The following BACE2 variants were observed in gnomAD, a reference collection of about 807,000 sequenced individuals.
The protein encoded by BACE2 is 56 kDa aspartic-like protease.
Under a neutral mutation model 46.2 loss-of-function variants are expected in BACE2, and 17 were observed. That is an observed-to-expected ratio of 0.37 (90% CI 0.25 to 0.55). The LOEUF is 0.55. Ranked by LOEUF, BACE2 falls within the 20% of genes least tolerant of loss-of-function variation. The probability of loss-of-function intolerance (pLI) is 0.82; values close to 1 mark genes in which losing one functional copy is unlikely to be tolerated. For missense variants in BACE2, 595 were observed against 698.1 expected (o/e 0.85, Z 1.66); for synonymous variants, 277 against 295.9 (o/e 0.94, Z 0.66).
intron 1 of BACE2, among the ~76,000 whole-genome samples, chr21:41,209,227 T>C (rs1012598859): frequency 2.0e-5 from 3 of 152,200 alleles, no homozygotes; most frequent in Non-Finnish European, 4.4e-5. Context: ...GCCTGCGCCT[T>C]CTGGGGGTGG....
intron 1 of BACE2, chr21:41,177,544 GTT>G (rs1984902721): frequency 6.6e-6 from 1 of 152,220 alleles, no homozygotes; most frequent in Non-Finnish European, 1.5e-5. Flanking sequence ...CACACAAGAT[GTT>G]TGCCCTCCTA....
chr21:41,213,254 C>A (rs1986353576), intron 1 of BACE2, among the ~76,000 whole-genome samples: 1 of 152,116 alleles, frequency 6.6e-6, no homozygotes, highest in African/African-American at 2.4e-5. Flanking sequence ...CGAGACAACC[C>A]TAGACACCAA....
intron 2 of BACE2, among the ~76,000 whole-genome samples, chr21:41,227,093 A>G (rs1195096316): frequency 6.6e-6 from 1 of 152,216 alleles, no homozygotes; most frequent in Admixed American, 6.5e-5. Context: ...TGGGGTCTAG[A>G]GTCACCGCCC....
At position 41,250,771 on chromosome 21, in the gene BACE2, G is replaced by A. The variant is rs1987614793; in HGVS notation, c.1004G>A (p.Gly335Asp). 3 of 1,614,062 alleles carry A rather than the reference G, an allele frequency of 1.9e-6. No homozygotes were observed. Among genetic ancestry groups the A allele is most frequent in the Non-Finnish European group, 2.5e-6 (3 of 1,180,012 alleles). The change falls in exon 7 of 9, where the codon GGT becomes GAT. Residue 335 changes from glycine (G) to aspartate (D), a missense_variant. By Grantham distance (94) the Gly-to-Asp change is moderately conservative. Coordinates refer to ENST00000330333, the MANE Select transcript of BACE2 (RefSeq NM_012105.5). ...GTCTAGATTCCAGAATTCTCTGATG[G>A]TTTCTGGACTGGGTCCCAGCTGGCG... is the stretch of plus-strand genomic sequence containing the variant. The part of the protein sequence containing the change: ...RASLIPEFSD[G>D]FWTGSQLACW...
At chr21:41,218,461 C>A (rs1050627057) in intron 1 of BACE2, among the ~76,000 whole-genome samples, 1 of 152,086 alleles carries the variant, frequency 6.6e-6, no homozygotes, top group Non-Finnish European at 1.5e-5. Context: ...CCGTGGGAGG[C>A]TGAACAAAAC....
intron 1 of BACE2, among the ~76,000 whole-genome samples, chr21:41,172,386 G>A (rs1057339215): frequency 3.3e-5 from 5 of 152,238 alleles, no homozygotes; most frequent in South Asian, 2.1e-4. Context: ...CAAAGGGCAC[G>A]TGAAGCCCTG....
At chr21:41,208,679 T>C (rs1333103705) in intron 1 of BACE2, among the ~76,000 whole-genome samples, 1 of 152,092 alleles carries the variant, frequency 6.6e-6, no homozygotes, top group Non-Finnish European at 1.5e-5. Context: ...GGTAAGGGTA[T>C]GAGGGCTCAG....
intron 1 of BACE2, among the ~76,000 whole-genome samples, 175 bp downstream of exon 1, chr21:41,168,750 G>C (rs1279891934): frequency 2.0e-5 from 3 of 152,086 alleles, no homozygotes; most frequent in African/African-American, 7.2e-5. Flanking sequence ...GCTCGCTCTT[G>C]AGTCGCGGAG....
intron 8 of BACE2, among the ~76,000 whole-genome samples, chr21:41,272,708 C>T (rs145222712): frequency 3.7e-3 from 564 of 152,216 alleles, no homozygotes; most frequent in African/African-American, 0.013. Flanking sequence ...GAGTAGAATA[C>T]AGTTATAATA....
intron 8 of BACE2, among the ~76,000 whole-genome samples, chr21:41,268,908 A>G (rs577324890): frequency 6.6e-6 from 1 of 152,316 alleles, no homozygotes; most frequent in East Asian, 1.9e-4. Context: ...CCATGTAGTC[A>G]GCGTGACTGA....
chr21:41,199,492 G>A (rs532320928), intron 1 of BACE2, among the ~76,000 whole-genome samples: 11 of 152,242 alleles, frequency 7.2e-5, no homozygotes, highest in East Asian at 1.9e-4. Flanking sequence ...GGTGCCCCGG[G>A]GAAAGTAGTA....
intron 2 of BACE2, 141 bp downstream of exon 2, chr21:41,226,495 T>C (rs1043936316): frequency 2.1e-5 from 14 of 675,628 alleles, no homozygotes; most frequent in Admixed American, 6.1e-5. Context: ...TATACACACA[T>C]GTGGACATGT....
At chr21:41,262,818 T>C (rs901761215) in intron 8 of BACE2, among the ~76,000 whole-genome samples, 1 of 152,148 alleles carries the variant, frequency 6.6e-6, no homozygotes, top group Non-Finnish European at 1.5e-5. Context: ...AATATGGGTA[T>C]GCAATTTTTA....
At chr21:41,221,237 G>A (rs1348901139) in intron 1 of BACE2, among the ~76,000 whole-genome samples, 2 of 152,118 alleles carry the variant, frequency 1.3e-5, no homozygotes, top group African/African-American at 2.4e-5. Context: ...GTGACCACAG[G>A]TTACAGCACT....
chr21:41,255,246 C>T (rs1001041284), intron 7 of BACE2, among the ~76,000 whole-genome samples: 1 of 152,210 alleles, frequency 6.6e-6, no homozygotes, highest in South Asian at 2.1e-4. Context: ...AAGCATGTGG[C>T]AATGGTGGCC....
Position 41,237,390 on chromosome 21 carries a change from G to A in BACE2, c.402-123G>A, listed in dbSNP as rs900781733. On this transcript the variant is annotated intron_variant, in intron 2 of 8. Transcript: ENST00000330333. ...GAACCCGGGAGGCGGAGGTTGCAGTGAGCCAAGATCCCGCCACTGCACTCC... is the reference window on the plus strand; with the variant it reads ...GAACCCGGGAGGCGGAGGTTGCAGTAAGCCAAGATCCCGCCACTGCACTCC... 9 of 613,178 alleles carry A rather than the reference G, an allele frequency of 1.5e-5. No homozygotes were observed. In the African/African-American group the frequency reaches 1.5e-4, roughly 11 times the overall value. 38.0% of individuals were successfully genotyped at this position (613,178 alleles called of 1,614,324 possible).
chr21:41,204,599 T>C (rs1316264594), intron 1 of BACE2, among the ~76,000 whole-genome samples: 1 of 152,276 alleles, frequency 6.6e-6, no homozygotes, highest in Non-Finnish European at 1.5e-5. Flanking sequence ...CACACGTATG[T>C]TGAAGACTTT....
chr21:41,211,498 G>A (rs192892992), intron 1 of BACE2, among the ~76,000 whole-genome samples: 52 of 152,346 alleles, frequency 3.4e-4, no homozygotes, highest in Middle Eastern at 3.4e-3. Flanking sequence ...TCAACAAGAT[G>A]TGTTTAAGTA....
At position 41,221,206 on chromosome 21, in the gene BACE2, C is replaced by T. The variant is rs571791978; in HGVS notation, c.313-5060C>T. On this transcript the variant is annotated intron_variant, in intron 1 of 8. Transcript: ENST00000330333. ...TCTCTGAAGTCACAAAGTAGCTTTT[C>T]GTTTGAGAAAACACAGGGGTGTGAC... is the stretch of plus-strand genomic sequence containing the variant. Among the ~76,000 whole-genome samples the T allele has an allele frequency of 5.3e-4, 81 of 152,266 alleles. 2 individuals carry two copies. In the South Asian group the frequency reaches 0.016, roughly 30 times the overall value.
Sources: gnomAD v4.1 joint callset for allele counts (sites outside exome capture counted in the v4.1 genomes callset) on GRCh38, gnomAD v4.1.1 for gene constraint, MANE v1.5 for transcripts, NCBI Gene and HGNC (gene_info 2026-07-23, HGNC 2026-07-21) for gene names.